INSL5: variants seen among roughly 807,000 people sequenced by gnomAD.
The protein encoded by INSL5 is insulin-like peptide INSL5.
Under a neutral mutation model 4.3 loss-of-function variants are expected in INSL5, and 3 were observed. That is an observed-to-expected ratio of 0.70 (90% CI 0.32 to 1.82). The LOEUF (loss-of-function observed/expected upper bound fraction) is 1.82. Among genes scored for constraint, INSL5 ranks in the 40% most tolerant of loss-of-function variants. The pLI is 0.08. For synonymous variants in INSL5, 68 were observed against 56.6 expected, an observed-to-expected ratio of 1.20 and a Z score of -0.90; for missense variants, 168 against 160.9, an observed-to-expected ratio of 1.04 and a Z score of -0.24.
intron 1 of INSL5, among the ~76,000 whole-genome samples, chr1:66,799,462 T>C (rs1311459645): frequency 6.6e-6 from 1 of 151,938 alleles, no homozygotes; most frequent in Non-Finnish European, 1.5e-5. Context: ...AGGGGGATGG[T>C]TGGGGAAGAG....
At chr1:66,800,978 A>G in intron 1 of INSL5, 69 bp downstream of exon 1, 1 of 1,229,496 alleles carries the variant, frequency 8.1e-7, no homozygotes, top group East Asian at 2.3e-5. Flanking sequence ...TAATGGTTTA[A>G]AACACAGCTT....
intron 1 of INSL5, among the ~76,000 whole-genome samples, chr1:66,799,587 A>C (rs1212528830): frequency 1.3e-5 from 2 of 152,200 alleles, no homozygotes; most frequent in Non-Finnish European, 2.9e-5. Flanking sequence ...CTAAAAGAGT[A>C]GATTTCAAGT....
In INSL5 at chr1:66,799,725, A is replaced by C. The variant is rs471830; in HGVS notation, c.175+1322T>G. Among the ~76,000 whole-genome samples, 1,102 of 152,240 alleles carry C rather than the reference A, an allele frequency of 7.2e-3. 16 individuals carry two copies. Among genetic ancestry groups the C allele is most frequent in the African/African-American group, 0.025 (1,046 of 41,546 alleles). On this transcript the variant is annotated intron_variant, in intron 1 of 1. Coordinates refer to ENST00000304526, the MANE Select transcript of INSL5 (RefSeq NM_005478.6). ...TATGTTGTACACAATAAATGTATATAATTTTTACCAATTAAAAAAATAATT... is the reference window on the plus strand; with the variant it reads ...TATGTTGTACACAATAAATGTATATCATTTTTACCAATTAAAAAAATAATT...
At chr1:66,798,452 C>T (rs1645355997) in intron 1 of INSL5, among the ~76,000 whole-genome samples, 1 of 152,156 alleles carries the variant, frequency 6.6e-6, no homozygotes, top group Non-Finnish European at 1.5e-5. Context: ...TTTACAGAGG[C>T]AGAAACTTGA....
At position 66,801,162 on chromosome 1, in the gene INSL5, C is replaced by T; in HGVS notation, c.60G>A (p.Val20=). The T allele has an allele frequency of 6.2e-7, 1 of 1,613,480 alleles. No homozygotes were observed. The highest frequency in any genetic ancestry group is 8.5e-7 in the Non-Finnish European group (1 of 1,179,438). The change falls in exon 1 of 2, where the codon GTG becomes GTA. Residue 20 remains valine (V), a synonymous_variant. Coordinates refer to ENST00000304526, the MANE Select transcript of INSL5 (RefSeq NM_005478.6). ...AGAGTCTCACAGACTCCTTGCTCCG[C>T]ACTTCTGAGATGGCAAATAGGACAG... is the stretch of plus-strand genomic sequence containing the variant. The part of the protein sequence containing the change: ...LFSVLFAISE[V]RSKESVRLCG...
intron 1 of INSL5, among the ~76,000 whole-genome samples, chr1:66,800,303 A>G (rs1179234113): frequency 1.3e-5 from 2 of 151,980 alleles, no homozygotes; most frequent in Non-Finnish European, 2.9e-5. Context: ...CATAATCCCC[A>G]AATCCTTCAG....
In INSL5 at chr1:66,798,466, C is replaced by T. The variant is rs371978950; in HGVS notation, c.176-221G>A. 1.6e-4 allele frequency among the ~76,000 whole-genome samples: 24 copies of T among 152,224 alleles called. No individual in the cohort carries two copies. In the South Asian group the frequency reaches 4.8e-3, roughly 30 times the overall value. On this transcript the variant is annotated intron_variant, in intron 1 of 1. Transcript: ENST00000304526. ...TTTTACAGAGGCAGAAACTTGAGTGCAAAGATGAGGAGTGACAGTCAGTGT... is the reference window on the plus strand; with the variant it reads ...TTTTACAGAGGCAGAAACTTGAGTGTAAAGATGAGGAGTGACAGTCAGTGT...
chr1:66,797,781 A>C lies in INSL5; in HGVS notation c.*232T>G, dbSNP rs1557881489. On this transcript the variant is annotated 3_prime_UTR_variant, in exon 2 of 2. Transcript: ENST00000304526. ...TTATTGCAATTTTGCGCAGCATTTG[A>C]AATTTCAAAGCATTAGTAGAATTTG... The C allele has an allele frequency of 2.5e-6, 1 of 393,132 alleles. No individual in the cohort carries two copies. The highest frequency in any genetic ancestry group is 3.9e-5 in the East Asian group (1 of 25,816). 24.4% of individuals were successfully genotyped at this position (393,132 alleles called of 1,614,324 possible). A position where few individuals can be genotyped will look rare whatever the true frequency, so the allele number is the denominator to read the frequency against.
At chr1:66,799,585 G>C (rs188753377) in intron 1 of INSL5, among the ~76,000 whole-genome samples, 2 of 152,240 alleles carry the variant, frequency 1.3e-5, no homozygotes, top group South Asian at 2.1e-4. Context: ...TGCTAAAAGA[G>C]TAGATTTCAA....
chr1:66,798,155 C>T lies in INSL5; in HGVS notation c.266G>A (p.Gly89Glu). 6.2e-7 allele frequency: 1 copy of T among 1,614,122 alleles called. No individual in the cohort carries two copies. Among genetic ancestry groups the T allele is most frequent in the Non-Finnish European group, 8.5e-7 (1 of 1,180,022 alleles). ...CTGTCCACCCCAAAGACGGTCTTCCCCTGAGGCATCCACCTTCGGAAGGTT... is the reference window on the plus strand; with the variant it reads ...CTGTCCACCCCAAAGACGGTCTTCCTCTGAGGCATCCACCTTCGGAAGGTT... ...AQNLPKVDAS[G>E]EDRLWGGQMP... is the part of the protein sequence containing the mutation. Residue 89 changes from glycine (G) to glutamate (E), a missense_variant, in exon 2 of 2, where the codon GGG becomes GAG. Transcript: ENST00000304526.
chr1:66,798,509 C>T lies in INSL5; in HGVS notation c.176-264G>A, dbSNP rs1645356378. ...GTCAGTGTTGCTCAGCTAGTCGGGA[C>T]TTGACTTCTTTTACTCGCTACCTCT... is the stretch of plus-strand genomic sequence containing the variant. On this transcript the variant is annotated intron_variant, in intron 1 of 1. Transcript: ENST00000304526. Among the ~76,000 whole-genome samples, 3 of 152,214 alleles carry T rather than the reference C, an allele frequency of 2.0e-5. No homozygotes were observed. The South Asian group carries it at 6.2e-4, about 32-fold the overall frequency.
intron 1 of INSL5, among the ~76,000 whole-genome samples, chr1:66,800,063 T>TA (rs895583798): frequency 6.6e-6 from 1 of 151,968 alleles, no homozygotes; most frequent in African/African-American, 2.4e-5. Flanking sequence ...AATAAATAAA[T>TA]AAAAATCTAA....
At chr1:66,799,461 GT>G (rs1207718059) in intron 1 of INSL5, among the ~76,000 whole-genome samples, 5 of 152,108 alleles carry the variant, frequency 3.3e-5, no homozygotes, top group Non-Finnish European at 7.4e-5. Flanking sequence ...GAGGGGGATG[GT>G]TGGGGAAGAG....
At position 66,801,185 on chromosome 1, in the gene INSL5, CAG is replaced by C. The variant is rs1410504175; in HGVS notation, c.35_36del (p.Ser12CysfsTer31). 1.2e-6 allele frequency: 2 copies of C among 1,613,476 alleles called. No individual in the cohort carries two copies. The highest frequency in any genetic ancestry group is 1.3e-5 in the African/African-American group (1 of 74,902). On this transcript the variant is annotated frameshift_variant, in exon 1 of 2. Transcript: ENST00000304526. LOFTEE classifies it high-confidence loss of function. ...CGCACTTCTGAGATGGCAAATAGGA[CAG>C]AGAATAAAAACAGAGTGAAAATGGA... ...KGSIFTLFLF[S>X]VLFAISEVRS...
At chr1:66,798,593 CA>C (rs201646297) in intron 1 of INSL5, among the ~76,000 whole-genome samples, 4 of 149,916 alleles carry the variant, frequency 2.7e-5, no homozygotes, top group South Asian at 2.1e-4. Flanking sequence ...AACACATAAA[CA>C]AAAAAAAACC....
At chr1:66,799,307 A>C (rs1406649696) in intron 1 of INSL5, among the ~76,000 whole-genome samples, 1 of 152,248 alleles carries the variant, frequency 6.6e-6, no homozygotes, top group Non-Finnish European at 1.5e-5. Flanking sequence ...TATAAAACAT[A>C]GCAAATACAA....
At chr1:66,799,849 G>T (rs1288156473) in intron 1 of INSL5, among the ~76,000 whole-genome samples, 1 of 152,094 alleles carries the variant, frequency 6.6e-6, no homozygotes, top group East Asian at 1.9e-4. Context: ...AGGAGTTTGA[G>T]ACCAGCCTGG....
intron 1 of INSL5, among the ~76,000 whole-genome samples, chr1:66,799,779 G>A (rs1457515613): frequency 6.6e-6 from 1 of 152,172 alleles, no homozygotes; most frequent in African/African-American, 2.4e-5. Context: ...GCCATGCCCA[G>A]TGGCTTATGC....
In INSL5 at chr1:66,801,192, T is replaced by TA. The variant is rs1292481585; in HGVS notation, c.29dup (p.Leu10PhefsTer34). 1 of 1,613,320 alleles carries TA rather than the reference T, an allele frequency of 6.2e-7. No individual in the cohort carries two copies. The highest frequency in any genetic ancestry group is 8.5e-7 in the Non-Finnish European group (1 of 1,179,540). ...CTGAGATGGCAAATAGGACAGAGAATAAAAACAGAGTGAAAATGGAGCCCT... is the reference window on the plus strand; with the variant it reads ...CTGAGATGGCAAATAGGACAGAGAATAAAAAACAGAGTGAAAATGGAGCCCT... On this transcript the variant is annotated frameshift_variant, in exon 1 of 2. Transcript: ENST00000304526. LOFTEE classifies it high-confidence loss of function.
Sources: gnomAD v4.1 joint callset for allele counts (sites outside exome capture counted in the v4.1 genomes callset) on GRCh38, gnomAD v4.1.1 for gene constraint, MANE v1.5 for transcripts, NCBI Gene and HGNC (gene_info 2026-07-23, HGNC 2026-07-21) for gene names.